WNK1: variants seen among roughly 807,000 people sequenced by gnomAD.
WNK1 encodes the protein serine/threonine-protein kinase WNK1.
Under a neutral mutation model 222.8 loss-of-function variants are expected in WNK1, and 38 were observed. The observed-to-expected ratio is 0.17, with a 90% confidence interval of 0.13 to 0.22. WNK1 has a LOEUF of 0.22. Ranked by LOEUF, WNK1 falls within the 10% of genes least tolerant of loss-of-function variation. The probability of loss-of-function intolerance (pLI) is 1.00; values close to 1 mark genes in which losing one functional copy is unlikely to be tolerated. For synonymous variants in WNK1, 1,090 were observed against 1,092.9 expected, an observed-to-expected ratio of 1.00 and a Z score of 0.05; for missense variants, 2,348 against 2,918.4, an observed-to-expected ratio of 0.80 and a Z score of 4.50.
chr12:844,946 A>C (rs1435990563), intron 4 of WNK1, among the ~76,000 whole-genome samples: 1 of 116,792 alleles, frequency 8.6e-6, no homozygotes, highest in African/African-American at 3.4e-5. Flanking sequence ...CCCAGGCTGG[A>C]GTGCAGTGGC....
rs1234365182 is a variant in WNK1, at chr12:869,094, T to C, written c.2140-2171T>C. On this transcript the variant is annotated intron_variant, in intron 8 of 27. Coordinates refer to ENST00000315939, the MANE Select transcript of WNK1 (RefSeq NM_018979.4). ...TCATTTTCTTCAGGAGGATCTGCACTTCATCCACAGGTTATAGGAAAACTT... is the reference window on the plus strand; with the variant it reads ...TCATTTTCTTCAGGAGGATCTGCACCTCATCCACAGGTTATAGGAAAACTT... 7.4e-6 allele frequency: 12 copies of C among 1,614,026 alleles called. No individual in the cohort carries two copies. The highest frequency in any genetic ancestry group is 1.7e-5 in the Admixed American group (1 of 60,030).
chr12:883,682 A>T (rs1953387506), intron 16 of WNK1, 92 bp from the exon 17 acceptor site: 1 of 1,598,368 alleles, frequency 6.3e-7, no homozygotes. Flanking sequence ...CCGACAACAA[A>T]CTTTTATGTT....
intron 2 of WNK1, among the ~76,000 whole-genome samples, chr12:825,719 C>G (rs1204646564): frequency 6.6e-6 from 1 of 151,796 alleles, no homozygotes; most frequent in Middle Eastern, 3.2e-3. Flanking sequence ...ATAGAAATTA[C>G]AAAAATTAAA....
At chr12:889,367 G>A (rs1953981125) in intron 21 of WNK1, 144 bp downstream of exon 21, 9 of 754,282 alleles carry the variant, frequency 1.2e-5, no homozygotes, top group Admixed American at 8.2e-5. Context: ...AAATGAGACT[G>A]ATTAATGAAA....
chr12:880,156 A>G, intron 11 of WNK1, 125 bp downstream of exon 11: 1 of 936,124 alleles, frequency 1.1e-6, no homozygotes, highest in Non-Finnish European at 1.7e-6. Flanking sequence ...GAGAAGCAAA[A>G]TAGTAAAATT....
chr12:769,818 G>A lies in WNK1; in HGVS notation c.759+15494G>A, dbSNP rs575101232. Among the ~76,000 whole-genome samples, 4 of 152,294 alleles carry A rather than the reference G, an allele frequency of 2.6e-5. No homozygotes were observed. The South Asian group carries it at 6.2e-4, about 24-fold the overall frequency. On this transcript the variant is annotated intron_variant, in intron 1 of 27. Coordinates refer to ENST00000315939, the MANE Select transcript of WNK1 (RefSeq NM_018979.4). ...GCCTAGAAGTCCAGGCAAGACAGAG[G>A]CATCTGTTGAGGTCTTTCTTGCCAC...
chr12:891,148 T>A (rs1954187508), intron 22 of WNK1, among the ~76,000 whole-genome samples: 1 of 151,500 alleles, frequency 6.6e-6, no homozygotes, highest in Non-Finnish European at 1.5e-5. Flanking sequence ...GGAATATTTC[T>A]TTTTTTTTGA....
chr12:872,041 A>G (rs1952198812), intron 9 of WNK1, among the ~76,000 whole-genome samples: 2 of 152,166 alleles, frequency 1.3e-5, no homozygotes, highest in South Asian at 4.1e-4. Flanking sequence ...ATTATTTCTA[A>G]TCTGTAGAAT....
intron 8 of WNK1, chr12:868,941 G>T: frequency 6.3e-7 from 1 of 1,589,950 alleles, no homozygotes; most frequent in African/African-American, 1.3e-5. Flanking sequence ...CCTACAGGGG[G>T]AGCAGCTGCA....
At chr12:877,052 ATTTTTTTTTTT>A (rs34011207) in intron 9 of WNK1, among the ~76,000 whole-genome samples, 23 of 77,104 alleles carry the variant, frequency 3.0e-4, no homozygotes, top group Admixed American at 5.3e-4. Context: ...CCTAAACTTC[ATTTTTTTTTTT>A]TTTTTTTTTT....
At chr12:780,458 T>A (rs930398265) in intron 1 of WNK1, among the ~76,000 whole-genome samples, 2 of 152,198 alleles carry the variant, frequency 1.3e-5, no homozygotes, top group African/African-American at 4.8e-5. Context: ...AGGAAGTGTG[T>A]TGCATTCCTA....
intron 10 of WNK1, among the ~76,000 whole-genome samples, chr12:878,785 G>GTT (rs201321240): frequency 8.1e-6 from 1 of 123,142 alleles, no homozygotes; most frequent in Non-Finnish European, 1.9e-5. Context: ...TGTGTGGAAT[G>GTT]TTTTTTTTTC....
chr12:872,278 A>G (rs1039066104), intron 9 of WNK1, among the ~76,000 whole-genome samples: 4 of 152,154 alleles, frequency 2.6e-5, no homozygotes, highest in African/African-American at 9.7e-5. Flanking sequence ...GGCGCGTGCC[A>G]CTATGCCCAG....
At chr12:785,561 C>T (rs1340522152) in intron 1 of WNK1, among the ~76,000 whole-genome samples, 1 of 151,988 alleles carries the variant, frequency 6.6e-6, no homozygotes, top group Non-Finnish European at 1.5e-5. Flanking sequence ...CCACGCCCAG[C>T]TAATTTTTTG....
chr12:853,006 T>C (rs942713173), intron 4 of WNK1, among the ~76,000 whole-genome samples: 4 of 152,198 alleles, frequency 2.6e-5, no homozygotes, highest in Non-Finnish European at 5.9e-5. Context: ...TGCTGACTGG[T>C]AAAATTCCTT....
chr12:753,458 AC>A lies in WNK1; in HGVS notation c.-105del. The A allele has an allele frequency of 6.7e-7, 1 of 1,491,458 alleles. No individual in the cohort carries two copies. Among genetic ancestry groups the A allele is most frequent in the Non-Finnish European group, 9.1e-7 (1 of 1,100,378 alleles). The allele number at this position is 1,491,458 out of a possible 1,614,324, so 92.4% of individuals were successfully genotyped here. A position where few individuals can be genotyped will look rare whatever the true frequency, so the allele number is the denominator to read the frequency against. ...TGAGGCGTCGTCCGGGTCGGCGCGA[AC>A]CCGCCCGGCCGCGGTTCCCTGCAGA... On this transcript the variant is annotated 5_prime_UTR_variant, in exon 1 of 28. Coordinates refer to ENST00000315939, the MANE Select transcript of WNK1 (RefSeq NM_018979.4). The surrounding 1 kb of genome is among the most constrained non-coding windows in gnomAD (Gnocchi z 5.2).
At chr12:859,205 G>A (rs759214814) in intron 5 of WNK1, 40 bp from the exon 6 acceptor site, 5 of 1,531,286 alleles carry the variant, frequency 3.3e-6, no homozygotes, top group Non-Finnish European at 3.6e-6. Context: ...AACTAATGGT[G>A]TTTTATTTTT....
At chr12:781,855 C>A (rs1253984169) in intron 1 of WNK1, among the ~76,000 whole-genome samples, 1 of 151,902 alleles carries the variant, frequency 6.6e-6, no homozygotes, top group Non-Finnish European at 1.5e-5. Context: ...TCCCAGTCTT[C>A]TCTAGTTCTG....
intron 1 of WNK1, among the ~76,000 whole-genome samples, chr12:802,389 C>T (rs1945966740): frequency 1.3e-5 from 2 of 152,164 alleles, no homozygotes; most frequent in Non-Finnish European, 2.9e-5. Context: ...GGCAACAGTA[C>T]TGCTTTTTAC....
Sources: allele counts gnomAD v4.1 joint callset (sites outside exome capture counted in the v4.1 genomes callset), GRCh38; gene constraint gnomAD v4.1.1; non-coding constraint Gnocchi (gnomAD v3.1); transcripts MANE v1.5; gene names NCBI Gene and HGNC (gene_info 2026-07-23, HGNC 2026-07-21).